Variants in MDH1 observed in about 807,000 individuals in gnomAD.
MDH1 encodes malate dehydrogenase 1.
MDH1 carries 15 observed loss-of-function variants against 38.7 expected under a neutral mutation model. The ratio of observed to expected loss-of-function variants is 0.39; its 90% CI spans 0.26 to 0.60. The LOEUF (loss-of-function observed/expected upper bound fraction) is 0.60, where lower values mean the gene tolerates loss of function less well. Among genes scored for constraint, MDH1 ranks in the 20% least tolerant of loss-of-function variants. The probability of loss-of-function intolerance (pLI) is 0.56; values close to 1 mark genes in which losing one functional copy is unlikely to be tolerated. For missense variants in MDH1, 368 were observed against 405.2 expected, an observed-to-expected ratio of 0.91 and a Z score of 0.79; for synonymous variants, 144 against 143.6, an observed-to-expected ratio of 1.00 and a Z score of -0.02.
Position 63,597,437 on chromosome 2 carries a change from G to C in MDH1, c.238G>C (p.Asp80His), listed in dbSNP as rs1709336078. ...AGATAAAGAAGACGTTGCCTTCAAA[G>C]ACCTGGATGTGGCCATTCTTGTGGG... ...ATDKEDVAFK[D>H]LDVAILVGSM... The change falls in exon 4 of 9, where the codon GAC (aspartate) becomes CAC (histidine). Residue 80 changes from aspartate to histidine, a missense_variant. By Grantham distance (81) the Asp-to-His change is moderately conservative. Transcript: ENST00000233114. 1.4e-6 allele frequency: 2 copies of C among 1,468,904 alleles called. No homozygotes were observed. The highest frequency in any genetic ancestry group is 9.1e-7 in the Non-Finnish European group (1 of 1,099,652). The allele number at this position is 1,468,904 out of a possible 1,614,324, so 91.0% of individuals were successfully genotyped here. A position where few individuals can be genotyped will look rare whatever the true frequency, so the allele number is the denominator to read the frequency against.
At chr2:63,593,624 T>C (rs1292150120) in intron 1 of MDH1, 2 of 471,734 alleles carry the variant, frequency 4.2e-6, no homozygotes, top group South Asian at 1.5e-5. Context: ...CATTTCTCCA[T>C]GCAGGTAGGG....
intron 5 of MDH1, chr2:63,600,136 T>C (rs979525709): frequency 9.2e-5 from 14 of 152,260 alleles, no homozygotes; most frequent in Non-Finnish European, 1.9e-4. Context: ...AACCAGAAGA[T>C]GCTGTGAGGT....
At chr2:63,605,209 G>T in intron 6 of MDH1, 71 bp from the exon 7 acceptor site, 2 of 1,010,402 alleles carry the variant, frequency 2.0e-6, no homozygotes, top group South Asian at 2.8e-5. Flanking sequence ...CCCCAAGGTC[G>T]ACTTGGAATT....
intron 1 of MDH1, among the ~76,000 whole-genome samples, chr2:63,591,326 G>C (rs1709197899): frequency 6.6e-6 from 1 of 152,178 alleles, no homozygotes; most frequent in Admixed American, 6.5e-5. Context: ...TTCTTTCTCT[G>C]TTTCATCTTC....
intron 1 of MDH1, 194 bp downstream of exon 1, chr2:63,589,240 G>T (rs1709096076): frequency 6.4e-7 from 1 of 1,555,068 alleles, no homozygotes; most frequent in Admixed American, 2.0e-5. Context: ...CACCTTGCGG[G>T]GTATGGGGCG....
chr2:63,603,567 T>A lies in MDH1; in HGVS notation c.499-1129T>A, dbSNP rs532332931. Among the ~76,000 whole-genome samples the A allele has an allele frequency of 3.3e-5, 5 of 152,090 alleles. No individual in the cohort carries two copies. The South Asian group carries it at 6.2e-4, about 19-fold the overall frequency. On this transcript the variant is annotated intron_variant, in intron 5 of 8. Transcript: ENST00000233114. The stretch of plus-strand genomic sequence containing the variant: ...TGTCTAGTTAGGAACAAATTATACA[T>A]ATACCTGATCATAATTTATTTTCTG...
At chr2:63,595,839 G>A (rs1392338265) in intron 3 of MDH1, among the ~76,000 whole-genome samples, 4 of 152,076 alleles carry the variant, frequency 2.6e-5, no homozygotes, top group South Asian at 4.2e-4. Context: ...TATAGACAAC[G>A]TAGGAATTGT....
At chr2:63,598,487 T>C (rs533529309) in intron 4 of MDH1, among the ~76,000 whole-genome samples, 18 of 152,152 alleles carry the variant, frequency 1.2e-4, no homozygotes, top group Non-Finnish European at 2.6e-4. Flanking sequence ...ACCCAGCAAA[T>C]AGGCTTGCCG....
Position 63,595,489 on chromosome 2 carries a change from C to CTGCA in MDH1, c.170_173dup (p.Gln58HisfsTer17). ...TGTCCTGGACGGTGTCCTAATGGAA[C>CTGCA]TGCAAGACTGTGCCCTTCCCCTCCT... On this transcript the variant is annotated frameshift_variant, in exon 3 of 9. Coordinates refer to ENST00000233114, the MANE Select transcript of MDH1 (RefSeq NM_005917.4). LOFTEE classifies it high-confidence loss of function. 1 of 1,612,286 alleles carries CTGCA rather than the reference C, an allele frequency of 6.2e-7. No homozygotes were observed. Among genetic ancestry groups the CTGCA allele is most frequent in the Non-Finnish European group, 8.5e-7 (1 of 1,178,340 alleles).
At chr2:63,600,842 T>C (rs547584779) in intron 5 of MDH1, among the ~76,000 whole-genome samples, 7 of 152,290 alleles carry the variant, frequency 4.6e-5, no homozygotes, top group Non-Finnish European at 8.8e-5. Context: ...GGAAGAGATA[T>C]TATACATGTT....
At position 63,597,412 on chromosome 2, in the gene MDH1, A is replaced by C. The variant is rs769061789; in HGVS notation, c.213A>C (p.Thr71=). The C allele has an allele frequency of 5.6e-6, 8 of 1,435,692 alleles. No individual in the cohort carries two copies. The highest frequency in any genetic ancestry group is 7.4e-6 in the Non-Finnish European group (8 of 1,084,046). The allele number at this position is 1,435,692 out of a possible 1,614,324, so 88.9% of individuals were successfully genotyped here. The stretch of plus-strand genomic sequence containing the variant: ...CCATGTCCACAGATGTCATCGCAAC[A>C]GATAAAGAAGACGTTGCCTTCAAAG... ...ALPLLKDVIA[T]DKEDVAFKDL... Residue 71 remains threonine, a synonymous_variant, in exon 4 of 9, where the codon ACA becomes ACC. Transcript: ENST00000233114.
rs1453684839 is a variant in MDH1, at chr2:63,594,025, G to T, written c.4-463G>T. On this transcript the variant is annotated intron_variant, in intron 1 of 8. Coordinates refer to ENST00000233114, the MANE Select transcript of MDH1 (RefSeq NM_005917.4). ...TTTTCCTCCTCCAGACAAAGTTGAA[G>T]CACGATTAATTGTCTTATTTAAATG... 3.3e-5 allele frequency among the ~76,000 whole-genome samples: 5 copies of T among 152,292 alleles called. No individual in the cohort carries two copies. In the East Asian group the frequency reaches 9.6e-4, roughly 29 times the overall value.
chr2:63,603,696 C>T lies in MDH1; in HGVS notation c.499-1000C>T, dbSNP rs536366556. ...TTTTTTTGAGACAGTCTCGCTGCAT[C>T]GCCCATGCTGGAGTGCAGTGGTGCG... On this transcript the variant is annotated intron_variant, in intron 5 of 8. Transcript: ENST00000233114. 6.5e-5 allele frequency among the ~76,000 whole-genome samples: 9 copies of T among 138,990 alleles called. No individual in the cohort carries two copies. In the South Asian group the frequency reaches 1.4e-3, roughly 21 times the overall value. 91.2% of individuals were successfully genotyped at this position (138,990 alleles called of 152,430 possible).
rs761896916 is a variant in MDH1, at chr2:63,595,415, T to C, written c.103-8T>C. 9.5e-6 allele frequency: 15 copies of C among 1,574,004 alleles called. No homozygotes were observed. The highest frequency in any genetic ancestry group is 1.7e-5 in the Admixed American group (1 of 59,946). ...ACACTAACAGATGCTGTCCTTGCTATTTGGTAGCCTATAATTCTTGTGCTG... is the reference window on the plus strand; with the variant it reads ...ACACTAACAGATGCTGTCCTTGCTACTTGGTAGCCTATAATTCTTGTGCTG... On this transcript the variant is annotated splice_polypyrimidine_tract_variant and splice_region_variant and intron_variant, in intron 2 of 8. Transcript: ENST00000233114.
chr2:63,603,680 GAC>G (rs1473146635), intron 5 of MDH1, among the ~76,000 whole-genome samples: 12 of 107,622 alleles, frequency 1.1e-4, no homozygotes, highest in African/African-American at 4.5e-4. Flanking sequence ...TTTTTTTTGA[GAC>G]AGTCTCGCTG....
At chr2:63,599,370 T>G in intron 5 of MDH1, 78 bp downstream of exon 5, 1 of 1,455,630 alleles carries the variant, frequency 6.9e-7, no homozygotes, top group East Asian at 2.5e-5. Context: ...TAACTGAATC[T>G]GAGTTTGTGC....
chr2:63,598,456 AT>A (rs1709358923), intron 4 of MDH1, among the ~76,000 whole-genome samples: 1 of 152,170 alleles, frequency 6.6e-6, no homozygotes, highest in Admixed American at 6.5e-5. Flanking sequence ...TGAACTATCA[AT>A]TAACTAGAAC....
chr2:63,605,192 C>A, intron 6 of MDH1, 88 bp from the exon 7 acceptor site: 1 of 864,410 alleles, frequency 1.2e-6, no homozygotes. Context: ...CTGGTCATAG[C>A]TTTTCACCCC....
chr2:63,591,090 T>C (rs1416232538), intron 1 of MDH1: 1 of 152,254 alleles, frequency 6.6e-6, no homozygotes, highest in African/African-American at 2.4e-5. Flanking sequence ...TCAATCTTTA[T>C]AGCTGAGAAG....
Sources: allele counts gnomAD v4.1 joint callset (sites outside exome capture counted in the v4.1 genomes callset), GRCh38; gene constraint gnomAD v4.1.1; transcripts MANE v1.5; gene names NCBI Gene and HGNC (gene_info 2026-07-23, HGNC 2026-07-21).